The following STOX1 variants were observed in gnomAD, a reference collection of about 807,000 sequenced individuals.
STOX1 encodes the protein storkhead box 1.
In STOX1, 57 loss-of-function variants were observed where a neutral mutation model predicts 74.8. That is an observed-to-expected ratio of 0.76 (90% CI 0.62 to 0.95). The LOEUF (loss-of-function observed/expected upper bound fraction) is 0.95. Among genes scored for constraint, STOX1 ranks in the 40% least tolerant of loss-of-function variants. The pLI is 0.00. For synonymous variants in STOX1, 375 were observed against 401.3 expected (o/e 0.93, Z 0.78); for missense variants, 1,010 against 1,117.0 (o/e 0.90, Z 1.37).
intron 1 of STOX1, among the ~76,000 whole-genome samples, chr10:68,879,377 A>G (rs1319522271): frequency 6.6e-6 from 1 of 151,784 alleles, no homozygotes; most frequent in Admixed American, 6.6e-5. Context: ...CTCTGCCTCA[A>G]TATATTTGTG....
chr10:68,862,944 G>A (rs1589227252), intron 1 of STOX1, among the ~76,000 whole-genome samples: 1 of 152,066 alleles, frequency 6.6e-6, no homozygotes, highest in African/African-American at 2.4e-5. Flanking sequence ...GATTCATTAT[G>A]GTAAGTGTGG....
At chr10:68,850,339 T>C (rs1282905963) in intron 1 of STOX1, among the ~76,000 whole-genome samples, 1 of 152,154 alleles carries the variant, frequency 6.6e-6, no homozygotes, top group African/African-American at 2.4e-5. Context: ...AGCTTATTTC[T>C]CTAGCCCTGC....
chr10:68,867,139 G>A (rs1164851532), intron 1 of STOX1, among the ~76,000 whole-genome samples: 1 of 151,900 alleles, frequency 6.6e-6, no homozygotes, highest in East Asian at 1.9e-4. Context: ...TAGAGACAGG[G>A]TTTCACTGTG....
At chr10:68,854,763 G>T (rs1266408738) in intron 1 of STOX1, among the ~76,000 whole-genome samples, 1 of 152,040 alleles carries the variant, frequency 6.6e-6, no homozygotes, top group Non-Finnish European at 1.5e-5. Flanking sequence ...CCTTTCATAT[G>T]CATGACCCCA....
At chr10:68,882,458 A>T (rs990265673) in intron 2 of STOX1, among the ~76,000 whole-genome samples, 1 of 151,772 alleles carries the variant, frequency 6.6e-6, no homozygotes, top group African/African-American at 2.4e-5. Context: ...ATCATTTCTT[A>T]TATATGATAA....
intron 2 of STOX1, among the ~76,000 whole-genome samples, chr10:68,882,700 T>C (rs943541518): frequency 6.6e-6 from 1 of 152,070 alleles, no homozygotes; most frequent in African/African-American, 2.4e-5. Context: ...GGTTTCACCA[T>C]GTTGGTTAGG....
Position 68,872,974 on chromosome 10 carries a change from AG to A in STOX1, c.311-8982del, listed in dbSNP as rs549228638. 3.7e-3 allele frequency among the ~76,000 whole-genome samples: 566 copies of A among 151,806 alleles called. 4 individuals carry two copies. Among genetic ancestry groups the A allele is most frequent in the African/African-American group, 0.013 (526 of 41,388 alleles). Reference sequence around the variant, plus strand: ...TATTAAAACTTTAATTTTGTCCCTGAGGTTTTACTGGAGTGCTCAGATATCA... The same window carrying A: ...TATTAAAACTTTAATTTTGTCCCTGAGTTTTACTGGAGTGCTCAGATATCA... On this transcript the variant is annotated intron_variant, in intron 1 of 3. Transcript: ENST00000298596.
At chr10:68,851,307 A>G (rs77635793) in intron 1 of STOX1, among the ~76,000 whole-genome samples, 5,226 of 151,758 alleles carry the variant, frequency 0.034, 330 homozygotes, top group African/African-American at 0.12. Context: ...TCTAAAAAAA[A>G]AAAAAAAAAG....
intron 2 of STOX1, among the ~76,000 whole-genome samples, chr10:68,883,866 T>C (rs1312927547): frequency 6.7e-6 from 1 of 148,350 alleles, no homozygotes; most frequent in African/African-American, 2.5e-5. Context: ...TGAGCTCAAA[T>C]GATCCTTCCA....
At chr10:68,832,328 T>G (rs1589213169) in intron 1 of STOX1, among the ~76,000 whole-genome samples, 1 of 152,134 alleles carries the variant, frequency 6.6e-6, no homozygotes, top group African/African-American at 2.4e-5. Context: ...ATAGCTGGGG[T>G]GTCTCCACCC....
intron 1 of STOX1, among the ~76,000 whole-genome samples, chr10:68,841,118 T>C (rs1453485393): frequency 6.6e-6 from 1 of 152,082 alleles, no homozygotes; most frequent in Non-Finnish European, 1.5e-5. Context: ...GGCTCATTTT[T>C]GTATTTTTAG....
At chr10:68,828,693 T>C (rs16925820) in intron 1 of STOX1, among the ~76,000 whole-genome samples, 6,948 of 152,160 alleles carry the variant, frequency 0.046, 524 homozygotes, top group African/African-American at 0.16. Flanking sequence ...GGCAGCTTTA[T>C]TATTATTATT....
At chr10:68,858,191 A>G (rs1315548340) in intron 1 of STOX1, among the ~76,000 whole-genome samples, 2 of 152,074 alleles carry the variant, frequency 1.3e-5, no homozygotes, top group Non-Finnish European at 2.9e-5. Context: ...CCATGGGTCA[A>G]TGGTACAGTA....
At chr10:68,830,270 C>G (rs796689207) in intron 1 of STOX1, among the ~76,000 whole-genome samples, 1 of 152,118 alleles carries the variant, frequency 6.6e-6, no homozygotes, top group Non-Finnish European at 1.5e-5. Context: ...AGTGGACTTC[C>G]GCCGGCTCAT....
At position 68,884,268 on chromosome 10, in the gene STOX1, A is replaced by G. The variant is rs774499233; in HGVS notation, c.472A>G (p.Ile158Val). ...ATGCTTGTCTGTTTTAGGCATTGCA[A>G]TTCCATCGGAAGATATTCTTTATAC... is the stretch of plus-strand genomic sequence containing the variant. The part of the protein sequence containing the change: ...RLMKHYPGIA[I>V]PSEDILYTTL... Residue 158 changes from isoleucine (I) to valine (V), a missense_variant, in exon 3 of 4, where the codon ATT becomes GTT. By Grantham distance (29) the Ile-to-Val change is conservative. Transcript: ENST00000298596. 4 of 1,614,016 alleles carry G rather than the reference A, an allele frequency of 2.5e-6. No homozygotes were observed. Among genetic ancestry groups the G allele is most frequent in the East Asian group, 2.2e-5 (1 of 44,896 alleles).
At chr10:68,839,027 T>C (rs1354871964) in intron 1 of STOX1, among the ~76,000 whole-genome samples, 4 of 152,192 alleles carry the variant, frequency 2.6e-5, no homozygotes, top group Non-Finnish European at 5.9e-5. Context: ...TTTTCACATA[T>C]GACCTTTGTT....
chr10:68,855,664 C>CT (rs1840106236), intron 1 of STOX1, among the ~76,000 whole-genome samples: 3 of 151,626 alleles, frequency 2.0e-5, no homozygotes, highest in South Asian at 4.2e-4. Flanking sequence ...AGGCTGGTCT[C>CT]TAACTCCTGG....
At chr10:68,828,341 G>C (rs1026884379) in intron 1 of STOX1, 2 of 1,062,424 alleles carry the variant, frequency 1.9e-6, no homozygotes, top group African/African-American at 3.4e-5. Context: ...CTGCAGGGGC[G>C]AGCGCGGCCC....
At chr10:68,892,477 C>A in intron 3 of STOX1, 112 bp from the exon 4 acceptor site, 1 of 999,870 alleles carries the variant, frequency 1.0e-6, no homozygotes, top group Non-Finnish European at 1.6e-6. Context: ...ATAAGTGTAC[C>A]TTTGTATTAG....
Sources: allele counts gnomAD v4.1 joint callset (sites outside exome capture counted in the v4.1 genomes callset), GRCh38; gene constraint gnomAD v4.1.1; transcripts MANE v1.5; gene names NCBI Gene and HGNC (gene_info 2026-07-23, HGNC 2026-07-21).